Variants in CNTN5 observed in about 807,000 individuals in gnomAD.
CNTN5 encodes contactin 5, also known as contactin-5.
A neutral mutation model predicts 129.1 loss-of-function variants in CNTN5; 77 were observed. The ratio of observed to expected loss-of-function variants is 0.60; its 90% CI spans 0.50 to 0.72. The LOEUF (loss-of-function observed/expected upper bound fraction) is 0.72, where lower values mean the gene tolerates loss of function less well. CNTN5 is among the 30% of genes least tolerant of loss of function. The pLI is 0.00. For synonymous variants in CNTN5, 509 were observed against 465.6 expected, an observed-to-expected ratio of 1.09 and a Z score of -1.20; for missense variants, 1,478 against 1,328.8, an observed-to-expected ratio of 1.11 and a Z score of -1.75.
intron 16 of CNTN5, among the ~76,000 whole-genome samples, chr11:100,233,348 CCTA>C (rs1324955493): frequency 2.0e-5 from 3 of 152,074 alleles, no homozygotes; most frequent in African/African-American, 7.2e-5. Context: ...ACAAACTTTG[CCTA>C]GGAGTCAGAG....
intron 3 of CNTN5, among the ~76,000 whole-genome samples, chr11:99,818,063 C>G (rs1007404272): frequency 2.6e-5 from 4 of 152,128 alleles, no homozygotes; most frequent in African/African-American, 7.2e-5. Context: ...TAATTTGATG[C>G]TTAACACCTA....
At chr11:99,272,771 G>T (rs1186355091) in intron 1 of CNTN5, among the ~76,000 whole-genome samples, 2 of 151,712 alleles carry the variant, frequency 1.3e-5, no homozygotes, top group African/African-American at 4.8e-5. Context: ...GGAAGAAACA[G>T]TTCTTTTGGT....
intron 9 of CNTN5, among the ~76,000 whole-genome samples, chr11:100,031,764 T>C (rs953767341): frequency 1.3e-5 from 2 of 152,238 alleles, no homozygotes; most frequent in Admixed American, 6.5e-5. Flanking sequence ...TATCTCTGTA[T>C]ACTGTACTTC....
At chr11:100,256,669 G>C (rs1177825533) in intron 17 of CNTN5, among the ~76,000 whole-genome samples, 1 of 152,000 alleles carries the variant, frequency 6.6e-6, no homozygotes, top group Non-Finnish European at 1.5e-5. Context: ...AGCAGCATGG[G>C]GCATTGCCTC....
At chr11:99,734,264 T>C (rs1943628682) in intron 3 of CNTN5, among the ~76,000 whole-genome samples, 1 of 152,222 alleles carries the variant, frequency 6.6e-6, no homozygotes, top group Non-Finnish European at 1.5e-5. Flanking sequence ...ATTCTTACTG[T>C]AACATGTGCA....
chr11:100,057,767 G>A (rs1181377686), intron 9 of CNTN5, among the ~76,000 whole-genome samples: 2 of 151,950 alleles, frequency 1.3e-5, no homozygotes, highest in Non-Finnish European at 2.9e-5. Flanking sequence ...AATATGTAGT[G>A]TTATTTCTGT....
chr11:100,323,852 T>C lies in CNTN5; in HGVS notation c.2730+15384T>C, dbSNP rs554356564. 3.3e-5 allele frequency among the ~76,000 whole-genome samples: 5 copies of C among 152,288 alleles called. No homozygotes were observed. In the East Asian group the frequency reaches 7.7e-4, roughly 23 times the overall value. Reference sequence around the variant, plus strand: ...TCTTAAGATGGATATTCACTGACTTTTGGCTTTTATTTTTTTCCAGTATAT... The same window carrying C: ...TCTTAAGATGGATATTCACTGACTTCTGGCTTTTATTTTTTTCCAGTATAT... On this transcript the variant is annotated intron_variant, in intron 21 of 24. Transcript: ENST00000524871.
chr11:100,262,008 G>C (rs181611937), intron 17 of CNTN5, among the ~76,000 whole-genome samples: 1 of 152,260 alleles, frequency 6.6e-6, no homozygotes, highest in African/African-American at 2.4e-5. Context: ...ATAGTGAACA[G>C]CCAACCTACA....
chr11:100,319,760 G>A (rs1951648390), intron 21 of CNTN5, among the ~76,000 whole-genome samples: 1 of 152,098 alleles, frequency 6.6e-6, no homozygotes, highest in Non-Finnish European at 1.5e-5. Context: ...ACTTTTATGA[G>A]ATCAACTTTC....
intron 7 of CNTN5, among the ~76,000 whole-genome samples, chr11:99,945,354 C>CA (rs1950530743): frequency 6.6e-6 from 1 of 151,926 alleles, no homozygotes; most frequent in Non-Finnish European, 1.5e-5. Context: ...TATGACTGTC[C>CA]TGCAAAGTCA....
chr11:99,387,928 TGA>T (rs1411260147), intron 2 of CNTN5, among the ~76,000 whole-genome samples: 4 of 151,784 alleles, frequency 2.6e-5, no homozygotes, highest in Admixed American at 1.3e-4. Context: ...ACAAATGAAA[TGA>T]AAGTATCTGG....
chr11:99,336,945 T>A (rs1866253919), intron 2 of CNTN5, among the ~76,000 whole-genome samples: 1 of 152,156 alleles, frequency 6.6e-6, no homozygotes, highest in Non-Finnish European at 1.5e-5. Flanking sequence ...ATGCTTGGTG[T>A]ACAGATTTTT....
At chr11:99,846,193 C>T (rs1347167462) in intron 6 of CNTN5, among the ~76,000 whole-genome samples, 1 of 148,286 alleles carries the variant, frequency 6.7e-6, no homozygotes, top group Non-Finnish European at 1.5e-5. Context: ...AGATAATACA[C>T]CTGATTAAAT....
chr11:99,238,358 G>A (rs59537561), intron 1 of CNTN5, among the ~76,000 whole-genome samples: 2,585 of 152,154 alleles, frequency 0.017, 83 homozygotes, highest in African/African-American at 0.059. Flanking sequence ...AGAGAGAATC[G>A]ATTGGCATAA....
chr11:100,268,896 A>G (rs989822828), intron 17 of CNTN5, among the ~76,000 whole-genome samples: 1 of 152,208 alleles, frequency 6.6e-6, no homozygotes, highest in African/African-American at 2.4e-5. Flanking sequence ...AGAATACCGC[A>G]GAAATCTATT....
intron 1 of CNTN5, among the ~76,000 whole-genome samples, chr11:99,044,438 A>G (rs1864123673): frequency 6.6e-6 from 1 of 152,144 alleles, no homozygotes; most frequent in Non-Finnish European, 1.5e-5. Context: ...AACACCAAAA[A>G]GGGCTTTGTG....
At chr11:99,073,480 A>C (rs149137547) in intron 1 of CNTN5, among the ~76,000 whole-genome samples, 3,079 of 145,276 alleles carry the variant, frequency 0.021, 72 homozygotes, top group African/African-American at 0.059. Flanking sequence ...TGCTGCACCT[A>C]TCAACCCATC....
intron 3 of CNTN5, among the ~76,000 whole-genome samples, chr11:99,747,515 G>T (rs1944093712): frequency 7.2e-6 from 1 of 138,830 alleles, no homozygotes; most frequent in Non-Finnish European, 1.5e-5. Context: ...GCCCAGGCTG[G>T]AGTGCAGTGG....
At chr11:100,198,025 A>G (rs1948690771) in intron 15 of CNTN5, among the ~76,000 whole-genome samples, 1 of 151,912 alleles carries the variant, frequency 6.6e-6, no homozygotes, top group Non-Finnish European at 1.5e-5. Flanking sequence ...TTTCCAGGCC[A>G]CATAAATTGG....
Sources: allele counts gnomAD v4.1 joint callset (sites outside exome capture counted in the v4.1 genomes callset), GRCh38; gene constraint gnomAD v4.1.1; transcripts MANE v1.5; gene names NCBI Gene and HGNC (gene_info 2026-07-23, HGNC 2026-07-21).